The following DAB1 variants were observed in gnomAD, a reference collection of about 807,000 sequenced individuals.
DAB1 encodes the protein disabled homolog 1.
A neutral mutation model predicts 64.6 loss-of-function variants in DAB1; 15 were observed. The ratio of observed to expected loss-of-function variants is 0.23; its 90% confidence interval spans 0.16 to 0.36. The LOEUF (loss-of-function observed/expected upper bound fraction) is 0.36. Ranked by LOEUF, DAB1 falls within the 10% of genes least tolerant of loss-of-function variation. The pLI, the probability that DAB1 is intolerant of heterozygous loss-of-function variation, is 1.00. For synonymous variants in DAB1, 235 were observed against 251.9 expected (o/e 0.93, Z 0.64); for missense variants, 596 against 706.7 (o/e 0.84, Z 1.78).
intron 1 of DAB1, among the ~76,000 whole-genome samples, chr1:58,538,076 T>C (rs908242873): frequency 2.0e-5 from 3 of 152,172 alleles, no homozygotes; most frequent in Admixed American, 2.0e-4. Context: ...TGGTTTTTGA[T>C]CAAAAGCAAA....
chr1:57,799,585 T>TGG (rs10718934), intron 6 of DAB1, among the ~76,000 whole-genome samples: 223 of 146,598 alleles, frequency 1.5e-3, no homozygotes, highest in African/African-American at 5.2e-3. Context: ...AAAAAAGATC[T>TGG]GGGGGGGGCT....
At chr1:57,359,857 C>T (rs1679407658) in intron 1 of DAB1, among the ~76,000 whole-genome samples, 3 of 151,816 alleles carry the variant, frequency 2.0e-5, no homozygotes, top group South Asian at 2.1e-4. Flanking sequence ...TATTATATCC[C>T]CTCACTAACA....
intron 3 of DAB1, among the ~76,000 whole-genome samples, chr1:58,499,946 AAAGT>A (rs2100402348): frequency 6.6e-6 from 1 of 152,278 alleles, no homozygotes; most frequent in Admixed American, 6.5e-5. Flanking sequence ...ACAAAAAGTA[AAAGT>A]AAGTTTAAAA....
At chr1:58,286,705 T>A (rs895689341) in intron 4 of DAB1, among the ~76,000 whole-genome samples, 4 of 152,232 alleles carry the variant, frequency 2.6e-5, no homozygotes, top group Non-Finnish European at 5.9e-5. Context: ...TAGGAATACT[T>A]CTACACTGTT....
intron 1 of DAB1, chr1:57,862,985 C>T (rs1185814231): frequency 6.6e-6 from 1 of 152,086 alleles, no homozygotes; most frequent in African/African-American, 2.4e-5. Context: ...GCACAAATGA[C>T]CGTAGCAGCT....
At chr1:57,764,398 C>G (rs1019786246) in intron 6 of DAB1, among the ~76,000 whole-genome samples, 1 of 152,136 alleles carries the variant, frequency 6.6e-6, no homozygotes, top group African/African-American at 2.4e-5. Context: ...AATTAGCATA[C>G]CCATCATCTC....
At chr1:58,457,817 C>T (rs1421880329) in intron 3 of DAB1, among the ~76,000 whole-genome samples, 1 of 152,128 alleles carries the variant, frequency 6.6e-6, no homozygotes, top group Admixed American at 6.6e-5. Context: ...TCCTGGTGCT[C>T]ACATGACATT....
At chr1:57,971,167 C>A (rs1043178265) in intron 5 of DAB1, among the ~76,000 whole-genome samples, 1 of 152,158 alleles carries the variant, frequency 6.6e-6, no homozygotes, top group African/African-American at 2.4e-5. Flanking sequence ...CTTTTGGCTT[C>A]ATGAGAAGTG....
At chr1:58,307,780 AG>A (rs1301466861) in intron 4 of DAB1, among the ~76,000 whole-genome samples, 1 of 151,152 alleles carries the variant, frequency 6.6e-6, no homozygotes, top group Non-Finnish European at 1.5e-5. Context: ...GTGGGGGTGG[AG>A]GAGGGGAGGA....
chr1:58,019,594 G>T (rs1646788366), intron 5 of DAB1, among the ~76,000 whole-genome samples: 1 of 152,118 alleles, frequency 6.6e-6, no homozygotes, highest in Non-Finnish European at 1.5e-5. Context: ...AAAATGCATT[G>T]CTTTCCTCAT....
intron 2 of DAB1, among the ~76,000 whole-genome samples, chr1:57,156,621 C>A (rs1660246377): frequency 6.6e-6 from 1 of 152,156 alleles, no homozygotes; most frequent in Admixed American, 6.5e-5. Flanking sequence ...CCATACAGAT[C>A]TTATTTTATA....
intron 4 of DAB1, among the ~76,000 whole-genome samples, chr1:58,240,476 T>G (rs1319169874): frequency 6.6e-6 from 1 of 152,226 alleles, no homozygotes; most frequent in African/African-American, 2.4e-5. Flanking sequence ...GCTTATTCCC[T>G]AAACACTCAG....
chr1:57,869,149 G>A (rs1340365216), intron 1 of DAB1, among the ~76,000 whole-genome samples: 2 of 152,174 alleles, frequency 1.3e-5, no homozygotes, highest in Admixed American at 6.6e-5. Context: ...TTTACTGCCA[G>A]TAAAACTAAG....
chr1:58,345,196 G>GA (rs1334004101), intron 3 of DAB1, among the ~76,000 whole-genome samples: 2 of 152,056 alleles, frequency 1.3e-5, no homozygotes. Flanking sequence ...GGCCCTCCCA[G>GA]ACCTTAGCCT....
intron 6 of DAB1, among the ~76,000 whole-genome samples, chr1:57,650,126 G>T (rs1332346075): frequency 3.3e-5 from 5 of 152,142 alleles, no homozygotes; most frequent in Admixed American, 1.3e-4. Context: ...TCAGCTTCCG[G>T]ATTCCTTCTT....
chr1:57,983,743 C>A (rs943601932), intron 5 of DAB1, among the ~76,000 whole-genome samples: 3 of 152,166 alleles, frequency 2.0e-5, no homozygotes, highest in African/African-American at 4.8e-5. Flanking sequence ...CAAATATTTT[C>A]TTTCTAAAAT....
chr1:57,534,090 GT>G (rs1401519267), intron 7 of DAB1, among the ~76,000 whole-genome samples: 1 of 151,958 alleles, frequency 6.6e-6, no homozygotes, highest in Non-Finnish European at 1.5e-5. Context: ...TGTCTTCATG[GT>G]CAAACCATTC....
At chr1:57,834,253 A>C (rs1369540987) in intron 1 of DAB1, among the ~76,000 whole-genome samples, 4 of 152,194 alleles carry the variant, frequency 2.6e-5, no homozygotes, top group Non-Finnish European at 4.4e-5. Flanking sequence ...TGAAGCTTTA[A>C]GGAAATAAAA....
intron 7 of DAB1, among the ~76,000 whole-genome samples, chr1:57,549,096 G>A (rs17115985): frequency 0.021 from 3,151 of 152,110 alleles, 126 homozygotes; most frequent in African/African-American, 0.072. Context: ...CTGGATCTAC[G>A]CAATGTAGGT....
Sources: gnomAD v4.1 joint callset for allele counts (sites outside exome capture counted in the v4.1 genomes callset) on GRCh38, gnomAD v4.1.1 for gene constraint, MANE v1.5 for transcripts, NCBI Gene and HGNC (gene_info 2026-07-23, HGNC 2026-07-21) for gene names.